The following BTD variants were observed in gnomAD, a reference collection of about 807,000 sequenced individuals.
BTD encodes the protein biocytinase.
BTD carries 13 observed loss-of-function variants against 17.7 expected under a neutral mutation model. The ratio of observed to expected loss-of-function variants is 0.74; its 90% CI spans 0.48 to 1.17. BTD has a LOEUF of 1.17. BTD is among the 50% of genes most tolerant of loss of function. The pLI, the probability that BTD is intolerant of heterozygous loss-of-function variation, is 0.00. For missense variants in BTD, 674 were observed against 650.4 expected (o/e 1.04, Z -0.39); for synonymous variants, 240 against 245.2 (o/e 0.98, Z 0.20).
At chr3:15,654,803 T>C (rs1381083891), downstream of BTD, among the ~76,000 whole-genome samples, 1 of 152,082 alleles carries the variant, frequency 6.6e-6, no homozygotes, top group Non-Finnish European at 1.5e-5. Context: ...GGCATGATCT[T>C]GGCTCACTGC....
At position 15,635,467 on chromosome 3, in the gene BTD, C is replaced by T. The variant is rs752626624; in HGVS notation, c.28C>T (p.Leu10Phe). The T allele has an allele frequency of 1.9e-6, 3 of 1,614,242 alleles. No individual in the cohort carries two copies. The highest frequency in any genetic ancestry group is 3.3e-5 in the Admixed American group (2 of 60,030). Residue 10 changes from leucine to phenylalanine, a missense_variant, in exon 2 of 4, where the codon CTT (leucine) becomes TTT (phenylalanine). Coordinates refer to ENST00000643237, the MANE Select transcript of BTD (RefSeq NM_001370658.1). This position sits in a 1 kb window ranked among gnomAD's most constrained non-coding sequence, Gnocchi z 4.1. MSGARSKLA[L>F]FLCGCYVVAL... ...GTCTGGAGCCAGAAGTAAGCTTGCT[C>T]TTTTCCTCTGCGGCTGTTACGTGGT...
At position 15,645,292 on chromosome 3, in the gene BTD, C is replaced by A. The variant is rs142249642; in HGVS notation, c.1376C>A (p.Thr459Lys). ...DTCGQEITEA[T>K]GIFEFHLWGN... Reference sequence around the variant, plus strand: ...TGTGGACAGGAAATCACAGAGGCCACGGGGATATTTGAGTTTCACCTGTGG... The same window carrying A: ...TGTGGACAGGAAATCACAGAGGCCAAGGGGATATTTGAGTTTCACCTGTGG... The change falls in exon 4 of 4, where the codon ACG (threonine) becomes AAG (lysine). Residue 459 changes from threonine to lysine, a missense_variant. By Grantham distance (78) the Thr-to-Lys change is moderately conservative (BLOSUM62 -1). Coordinates refer to ENST00000643237, the MANE Select transcript of BTD (RefSeq NM_001370658.1). The A allele has an allele frequency of 1.2e-6, 2 of 1,614,172 alleles. No individual in the cohort carries two copies. Among genetic ancestry groups the A allele is most frequent in the South Asian group, 2.2e-5 (2 of 91,078 alleles).
At chr3:15,619,748 A>G (rs186997532) in intron 1 of BTD, among the ~76,000 whole-genome samples, 8 of 152,348 alleles carry the variant, frequency 5.3e-5, no homozygotes, top group African/African-American at 1.9e-4. Flanking sequence ...CAATATTTCA[A>G]CGTAAGTTCT....
chr3:15,662,392 A>G (rs539495631), intron 3 of BTD, among the ~76,000 whole-genome samples: 2 of 152,180 alleles, frequency 1.3e-5, no homozygotes, highest in Non-Finnish European at 2.9e-5. Context: ...ATTGTGTTTT[A>G]AATGTCAAAT....
chr3:15,712,337 A>G, exon 4 of BTD: 1 of 799,614 alleles, frequency 1.3e-6, no homozygotes, highest in South Asian at 1.7e-5. Flanking sequence ...CAAAATGTCT[A>G]ACACTTCGGA....
At chr3:15,617,337 C>A (rs974090663) in intron 1 of BTD, among the ~76,000 whole-genome samples, 20 of 152,176 alleles carry the variant, frequency 1.3e-4, no homozygotes, top group African/African-American at 4.1e-4. Flanking sequence ...TCAATTCTTT[C>A]TTTTTTGTCC....
At chr3:15,708,323 C>T (rs953966903) in intron 3 of BTD, among the ~76,000 whole-genome samples, 4 of 152,102 alleles carry the variant, frequency 2.6e-5, no homozygotes, top group South Asian at 2.1e-4. Context: ...AATCCCAGTC[C>T]CAGTCCTTTG....
At chr3:15,674,196 A>AAAAAAAAT (rs1470515364) in intron 3 of BTD, among the ~76,000 whole-genome samples, 1 of 130,170 alleles carries the variant, frequency 7.7e-6, no homozygotes, top group Admixed American at 7.8e-5. Context: ...AAAAAAAAAA[A>AAAAAAAAT]AAGAAGAAGA....
At chr3:15,702,816 AC>A (rs1349262679) in intron 3 of BTD, among the ~76,000 whole-genome samples, 2 of 149,846 alleles carry the variant, frequency 1.3e-5, no homozygotes, top group African/African-American at 2.5e-5. Context: ...AGTTCTTACC[AC>A]CCCCCACCAC....
Position 15,645,026 on chromosome 3 carries a change from TC to T in BTD, c.1112del (p.Pro371LeufsTer8). The T allele has an allele frequency of 6.2e-7, 1 of 1,614,104 alleles. No individual in the cohort carries two copies. On this transcript the variant is annotated frameshift_variant, in exon 4 of 4. Transcript: ENST00000643237. LOFTEE classifies it low-confidence loss of function (END_TRUNC). ...AGGCCACCAAGTGGAACGTGAATGCTCCTCCCACATTTCACTCTGAGATGAT... is the reference window on the plus strand; with the variant it reads ...AGGCCACCAAGTGGAACGTGAATGCTCTCCCACATTTCACTCTGAGATGAT... ...DEATKWNVNAPPTFHSEMMYD... is the reference protein window; with the variant it reads ...DEATKWNVNAXPTFHSEMMYD...
intron 4 of BTD, among the ~76,000 whole-genome samples, chr3:15,718,125 T>C (rs1296899092): frequency 6.6e-6 from 1 of 152,202 alleles, no homozygotes; most frequent in African/African-American, 2.4e-5. Context: ...AATGAATATA[T>C]ATTCTTGCTG....
chr3:15,645,196 A>G lies in BTD; in HGVS notation c.1280A>G (p.His427Arg). ...GCCCTGGGGGTCTTTGATGGGCTTCACACAGTACATGGCACTTACTACATC... is the reference window on the plus strand; with the variant it reads ...GCCCTGGGGGTCTTTGATGGGCTTCGCACAGTACATGGCACTTACTACATC... ...LYALGVFDGL[H>R]TVHGTYYIQV... The change falls in exon 4 of 4, where the codon CAC becomes CGC. Residue 427 changes from histidine (H) to arginine (R), a missense_variant. Transcript: ENST00000643237. 6.2e-7 allele frequency: 1 copy of G among 1,614,178 alleles called. No individual in the cohort carries two copies. The highest frequency in any genetic ancestry group is 2.2e-5 in the East Asian group (1 of 44,882).
chr3:15,632,136 C>T (rs1199149034), intron 1 of BTD, among the ~76,000 whole-genome samples: 1 of 152,182 alleles, frequency 6.6e-6, no homozygotes, highest in Admixed American at 6.5e-5. Flanking sequence ...CTTCAGGCCT[C>T]GGTCCAAACA....
exon 4 of BTD, among the ~76,000 whole-genome samples, chr3:15,711,985 C>T (rs1454411832): frequency 3.3e-5 from 5 of 151,980 alleles, no homozygotes; most frequent in Admixed American, 2.6e-4. Flanking sequence ...CATGAGCCAC[C>T]ACGCCAGACC....
intron 1 of BTD, among the ~76,000 whole-genome samples, chr3:15,625,840 C>T (rs775354876): frequency 5.9e-5 from 9 of 152,222 alleles, no homozygotes; most frequent in Non-Finnish European, 1.3e-4. Flanking sequence ...CAGGCGTGAG[C>T]CACCACGCCT....
intron 3 of BTD, chr3:15,679,433 TAAAAC>T: frequency 1.2e-6 from 2 of 1,613,274 alleles, no homozygotes; most frequent in Non-Finnish European, 1.7e-6. Context: ...GTGTATTTCT[TAAAAC>T]ACTCAAACCA....
In BTD at chr3:15,673,967, GGA is replaced by G. The variant is rs2066642654; in HGVS notation, c.399+31912_399+31913del. On this transcript the variant is annotated intron_variant, in intron 3 of 3. Coordinates refer to the BTD transcript ENST00000672141. The stretch of plus-strand genomic sequence containing the variant: ...GAGGTGGGGGGATTGCTTGAGGCCA[GGA>G]GTTCAAGACCGGCCTGGACAATATA... 3.3e-5 allele frequency among the ~76,000 whole-genome samples: 5 copies of G among 152,038 alleles called. No individual in the cohort carries two copies. The South Asian group carries it at 1.0e-3, about 32-fold the overall frequency.
chr3:15,650,571 C>G lies in BTD; in HGVS notation c.*5083C>G, dbSNP rs542522363. On this transcript the variant is annotated 3_prime_UTR_variant, in exon 4 of 4. Transcript: ENST00000643237. ...CACTCTACTCTGCACTCTTCTTTAT[C>G]ATTTTCTCCCACAGACAGACTCTCG... 6.6e-6 allele frequency among the ~76,000 whole-genome samples: 1 copy of G among 152,202 alleles called. No homozygotes were observed. The highest frequency in any genetic ancestry group is 2.1e-4 in the South Asian group (1 of 4,830).
At position 15,650,905 on chromosome 3, in the gene BTD, G is replaced by A. The variant is rs1251149605; in HGVS notation, c.*5417G>A. ...CTGCCTCAGCCTTCCGAGTAGCTGG[G>A]ACTACAGGCACGTGCCACCACGCCC... On this transcript the variant is annotated 3_prime_UTR_variant, in exon 4 of 4. Transcript: ENST00000643237. Among the ~76,000 whole-genome samples the A allele has an allele frequency of 4.6e-5, 7 of 152,162 alleles. No homozygotes were observed. The highest frequency in any genetic ancestry group is 1.7e-4 in the African/African-American group (7 of 41,434).
Sources: gnomAD v4.1 joint callset for allele counts (sites outside exome capture counted in the v4.1 genomes callset) on GRCh38, gnomAD v4.1.1 for gene constraint, Gnocchi (gnomAD v3.1) non-coding constraint, MANE v1.5 for transcripts, NCBI Gene and HGNC (gene_info 2026-07-23, HGNC 2026-07-21) for gene names.